CHRNA7: variants seen among roughly 807,000 people sequenced by gnomAD.
The protein encoded by CHRNA7 is cholinergic receptor nicotinic alpha 7 subunit.
In CHRNA7, 17 loss-of-function variants were observed where a neutral mutation model predicts 48.0. That is an observed-to-expected ratio of 0.35 (90% CI 0.24 to 0.53). CHRNA7 has a LOEUF of 0.53. Ranked by LOEUF, CHRNA7 falls within the 20% of genes least tolerant of loss-of-function variation. The pLI, the probability that CHRNA7 is intolerant of heterozygous loss-of-function variation, is 0.92. For missense variants in CHRNA7, 155 were observed against 577.7 expected (o/e 0.27, Z 7.50); for synonymous variants, 75 against 242.3 (o/e 0.31, Z 6.41).
intron 4 of CHRNA7, among the ~76,000 whole-genome samples, chr15:32,123,414 G>A (rs1273492339): frequency 6.6e-6 from 1 of 152,158 alleles, no homozygotes; most frequent in Non-Finnish European, 1.5e-5. Flanking sequence ...ACCTGAAGTC[G>A]ATACCTCTAA....
chr15:32,082,169 A>T (rs907990843), intron 2 of CHRNA7, among the ~76,000 whole-genome samples: 5 of 151,910 alleles, frequency 3.3e-5, no homozygotes, highest in Non-Finnish European at 7.4e-5. Context: ...TTTGACTGTG[A>T]TGTGTCGTGG....
intron 2 of CHRNA7, among the ~76,000 whole-genome samples, chr15:32,032,874 T>A (rs898990723): frequency 6.6e-6 from 1 of 152,212 alleles, no homozygotes; most frequent in African/African-American, 2.4e-5. Context: ...TTCTGGGAAC[T>A]TCTTCTTTAA....
At chr15:32,137,091 G>GGAA (rs2051282678) in intron 4 of CHRNA7, among the ~76,000 whole-genome samples, 1 of 150,384 alleles carries the variant, frequency 6.6e-6, no homozygotes, top group Non-Finnish European at 1.5e-5. Context: ...AATCCAAGGA[G>GGAA]GAAGAAGTCA....
chr15:32,152,458 C>T (rs1231366310), intron 4 of CHRNA7, among the ~76,000 whole-genome samples: 2 of 152,070 alleles, frequency 1.3e-5, no homozygotes, highest in Admixed American at 6.6e-5. Flanking sequence ...AAAAGGGAAG[C>T]GTAGCACATG....
chr15:32,106,196 G>A (rs952386215), intron 3 of CHRNA7, among the ~76,000 whole-genome samples: 1 of 152,160 alleles, frequency 6.6e-6, no homozygotes, highest in Non-Finnish European at 1.5e-5. Flanking sequence ...TCTGAGGGGG[G>A]TGCAAATGTG....
At chr15:32,099,406 G>A (rs932168943) in intron 2 of CHRNA7, 10 of 152,210 alleles carry the variant, frequency 6.6e-5, no homozygotes, top group Non-Finnish European at 1.0e-4. Flanking sequence ...TGCTCAGGTG[G>A]TGGTGGCTGC....
intron 3 of CHRNA7, among the ~76,000 whole-genome samples, chr15:32,104,849 T>C (rs1241930085): frequency 6.6e-6 from 1 of 152,182 alleles, no homozygotes; most frequent in East Asian, 1.9e-4. Flanking sequence ...TGCCATGCCC[T>C]CTAAGGAACA....
At chr15:32,132,270 G>GT (rs1486355190) in intron 4 of CHRNA7, among the ~76,000 whole-genome samples, 1 of 152,052 alleles carries the variant, frequency 6.6e-6, no homozygotes, top group African/African-American at 2.4e-5. Flanking sequence ...ACCTGTTGGG[G>GT]TTTTTTTGGT....
chr15:32,059,944 C>CAAAAAAAAAAAA lies in CHRNA7; in HGVS notation c.195+28926_195+28937dup, dbSNP rs34200550. Among the ~76,000 whole-genome samples, 82 of 33,066 alleles carry CAAAAAAAAAAAA rather than the reference C, an allele frequency of 2.5e-3. 3 individuals are homozygous for CAAAAAAAAAAAA. Among genetic ancestry groups the CAAAAAAAAAAAA allele is most frequent in the Non-Finnish European group, 2.8e-3 (56 of 20,312 alleles). The allele number at this position is 33,066 out of a possible 152,430, so 21.7% of individuals were successfully genotyped here. On this transcript the variant is annotated intron_variant, in intron 2 of 9. Transcript: ENST00000306901. Reference sequence around the variant, plus strand: ...ATCTCTGAAACGCCAAGTAGAAAAGCAAAAAAAAAAAAAAAAAAAAAAAAA... The same window carrying CAAAAAAAAAAAA: ...ATCTCTGAAACGCCAAGTAGAAAAGCAAAAAAAAAAAAAAAAAAAAAAAAAAAAAAAAAAAAA...
At chr15:32,044,478 A>G (rs1378672681) in intron 2 of CHRNA7, among the ~76,000 whole-genome samples, 1 of 152,088 alleles carries the variant, frequency 6.6e-6, no homozygotes, top group African/African-American at 2.4e-5. Flanking sequence ...GGTTTTCACC[A>G]TATTGGCCAG....
chr15:32,113,932 A>C (rs1489926671), intron 4 of CHRNA7, among the ~76,000 whole-genome samples: 1 of 150,614 alleles, frequency 6.6e-6, no homozygotes, highest in African/African-American at 2.4e-5. Context: ...CAGGAGGCTG[A>C]GGTAGAAGGA....
At chr15:32,111,749 C>T (rs1202161867) in intron 3 of CHRNA7, 41 bp from the exon 4 acceptor site, 1 of 1,209,852 alleles carries the variant, frequency 8.3e-7, no homozygotes, top group Non-Finnish European at 1.2e-6. Context: ...ATATTAGTAG[C>T]CAAGGAAGTG....
chr15:32,126,330 G>A (rs1276385264), intron 4 of CHRNA7, among the ~76,000 whole-genome samples: 1 of 152,118 alleles, frequency 6.6e-6, no homozygotes, highest in African/African-American at 2.4e-5. Context: ...AAAGACCTGT[G>A]GTAGGTAGCA....
At chr15:32,084,756 A>T (rs2050268088) in intron 2 of CHRNA7, among the ~76,000 whole-genome samples, 1 of 152,022 alleles carries the variant, frequency 6.6e-6, no homozygotes, top group South Asian at 2.1e-4. Context: ...AGTGCATTAG[A>T]AGGTGGCCAC....
intron 4 of CHRNA7, among the ~76,000 whole-genome samples, chr15:32,142,989 T>C (rs745406240): frequency 1.3e-5 from 2 of 152,188 alleles, no homozygotes; most frequent in Non-Finnish European, 2.9e-5. Context: ...TTTGCTTCTC[T>C]AGTTCTTTTC....
chr15:32,126,401 A>G (rs1054079382), intron 4 of CHRNA7, among the ~76,000 whole-genome samples: 1 of 152,192 alleles, frequency 6.6e-6, no homozygotes, highest in Non-Finnish European at 1.5e-5. Flanking sequence ...CAATCTCTTT[A>G]TCTTGGCTTT....
rs2051165579 is a variant in CHRNA7 at position 32,132,029 on chromosome 15, C to T, written c.350+20130C>T. Among the ~76,000 whole-genome samples the T allele has an allele frequency of 2.0e-5, 3 of 152,214 alleles. No individual in the cohort carries two copies. The South Asian group carries it at 6.2e-4, about 32-fold the overall frequency. On this transcript the variant is annotated intron_variant, in intron 4 of 9. Transcript: ENST00000306901. ...GAGGTCACTGCTTGGCCTTCTCTGA[C>T]ATCACCTCTTGCAAGTATGGGGAGG...
At chr15:32,049,785 C>T (rs996002714) in intron 2 of CHRNA7, among the ~76,000 whole-genome samples, 13 of 152,122 alleles carry the variant, frequency 8.5e-5, no homozygotes, top group East Asian at 1.9e-4. Context: ...CAGCTAGTAC[C>T]GGTTGTGCCT....
intron 6 of CHRNA7, 121 bp from the exon 7 acceptor site, chr15:32,158,287 CCCTT>C: frequency 1.3e-6 from 1 of 780,140 alleles, no homozygotes; most frequent in Non-Finnish European, 1.8e-6. Context: ...TACAACCCCC[CCCTT>C]TTTTTTTTTT....
Sources: gnomAD v4.1 joint callset for allele counts (sites outside exome capture counted in the v4.1 genomes callset) on GRCh38, gnomAD v4.1.1 for gene constraint, MANE v1.5 for transcripts, NCBI Gene and HGNC (gene_info 2026-07-23, HGNC 2026-07-21) for gene names.